Variants in VEPH1 observed in about 807,000 individuals in gnomAD.
The protein encoded by VEPH1 is ventricular zone expressed PH domain containing 1, also known as ventricular zone-expressed PH domain-containing protein homolog 1.
VEPH1 carries 80 observed loss-of-function variants against 85.2 expected under a neutral mutation model. That is an observed-to-expected ratio of 0.94 (90% CI 0.78 to 1.13). The LOEUF (loss-of-function observed/expected upper bound fraction) is 1.13. Ranked by LOEUF, VEPH1 falls within the 50% of genes most tolerant of loss-of-function variation. The pLI is 0.00. For missense variants in VEPH1, 955 were observed against 980.5 expected, an observed-to-expected ratio of 0.97 and a Z score of 0.35; for synonymous variants, 297 against 348.0, an observed-to-expected ratio of 0.85 and a Z score of 1.63.
intron 4 of VEPH1, among the ~76,000 whole-genome samples, chr3:157,447,966 CGATGAT>C (rs549807691): frequency 6.6e-6 from 1 of 151,342 alleles, no homozygotes; most frequent in East Asian, 1.9e-4. Context: ...ACAACCAGAA[CGATGAT>C]GATGATGATG....
chr3:157,317,053 T>C lies in VEPH1; in HGVS notation c.1875+9A>G. 6.2e-7 allele frequency: 1 copy of C among 1,605,506 alleles called. No individual in the cohort carries two copies. The highest frequency in any genetic ancestry group is 8.5e-7 in the Non-Finnish European group (1 of 1,176,308). Reference sequence around the variant, plus strand: ...ATTAAAGAGCCTGATGAACACAAATTATACAAACCTGCTGAAATAGAAACA... The same window carrying C: ...ATTAAAGAGCCTGATGAACACAAATCATACAAACCTGCTGAAATAGAAACA... On this transcript the variant is annotated intron_variant, in intron 10 of 13. Coordinates refer to ENST00000362010, the MANE Select transcript of VEPH1 (RefSeq NM_001167912.2).
At chr3:157,301,743 G>C (rs968962093) in intron 11 of VEPH1, among the ~76,000 whole-genome samples, 12 of 152,128 alleles carry the variant, frequency 7.9e-5, no homozygotes, top group African/African-American at 2.9e-4. Flanking sequence ...TACACTTTCT[G>C]AGGTTCTTTT....
intron 11 of VEPH1, among the ~76,000 whole-genome samples, chr3:157,305,101 CTTTTTTTT>C (rs139799192): frequency 2.6e-5 from 2 of 77,820 alleles, no homozygotes; most frequent in Non-Finnish European, 4.4e-5. Context: ...ATCTATCTGT[CTTTTTTTT>C]TTTTTTTTTT....
intron 4 of VEPH1, among the ~76,000 whole-genome samples, chr3:157,445,862 C>T (rs1471597167): frequency 6.6e-6 from 1 of 152,126 alleles, no homozygotes; most frequent in East Asian, 1.9e-4. Context: ...ACACCCATAA[C>T]CTAAACTTGG....
intron 12 of VEPH1, among the ~76,000 whole-genome samples, chr3:157,267,092 T>TTTTG (rs1713756997): frequency 9.0e-6 from 1 of 111,178 alleles, no homozygotes; most frequent in Non-Finnish European, 1.8e-5. Context: ...CTTTTCTTTT[T>TTTTG]CTTTTTTTTC....
intron 11 of VEPH1, among the ~76,000 whole-genome samples, chr3:157,309,017 A>G (rs538900630): frequency 6.6e-6 from 1 of 152,226 alleles, no homozygotes; most frequent in African/African-American, 2.4e-5. Context: ...AACTAAAAGT[A>G]ATGTTGAATT....
intron 7 of VEPH1, among the ~76,000 whole-genome samples, chr3:157,366,281 T>C (rs1726685011): frequency 6.6e-6 from 1 of 152,174 alleles, no homozygotes. Flanking sequence ...TGGCTGTCTT[T>C]AGTATTTTTC....
chr3:157,406,970 TA>T (rs1486807887), intron 6 of VEPH1, among the ~76,000 whole-genome samples: 44 of 146,882 alleles, frequency 3.0e-4, no homozygotes, highest in African/African-American at 9.8e-4. Flanking sequence ...GATGGAAAGA[TA>T]CATGAATTCA....
At chr3:157,272,401 T>TTCTTTCTC (rs1714792315) in intron 12 of VEPH1, among the ~76,000 whole-genome samples, 1 of 145,510 alleles carries the variant, frequency 6.9e-6, no homozygotes, top group Admixed American at 6.9e-5. Context: ...CTTTCTTTCT[T>TTCTTTCTC]TCTTTCTTTC....
chr3:157,426,838 C>T (rs149037368), intron 5 of VEPH1, among the ~76,000 whole-genome samples: 1,523 of 145,072 alleles, frequency 0.01, 24 homozygotes, highest in African/African-American at 0.037. Flanking sequence ...GACAGAGTCT[C>T]ACTCTGTCAC....
At chr3:157,311,690 C>T (rs552191314) in intron 11 of VEPH1, among the ~76,000 whole-genome samples, 2 of 152,164 alleles carry the variant, frequency 1.3e-5, no homozygotes, top group South Asian at 4.1e-4. Context: ...ATGCACAAAA[C>T]TAGTTTGCCA....
At chr3:157,402,263 T>C (rs938353890) in intron 6 of VEPH1, among the ~76,000 whole-genome samples, 4 of 152,198 alleles carry the variant, frequency 2.6e-5, no homozygotes, top group Non-Finnish European at 5.9e-5. Context: ...CTAGCTTTAT[T>C]TTGTATTTAC....
chr3:157,410,725 C>A (rs1349195435), intron 6 of VEPH1, among the ~76,000 whole-genome samples: 3 of 152,092 alleles, frequency 2.0e-5, no homozygotes, highest in African/African-American at 7.2e-5. Flanking sequence ...AGCAAAGGAG[C>A]CTGCCTGACA....
intron 1 of VEPH1, among the ~76,000 whole-genome samples, chr3:157,502,161 T>C (rs1740166507): frequency 2.6e-5 from 4 of 152,318 alleles, no homozygotes. Context: ...TTCTAAGCAA[T>C]GCTAAAGGCT....
At chr3:157,372,435 T>A (rs1727612265) in intron 7 of VEPH1, among the ~76,000 whole-genome samples, 1 of 152,214 alleles carries the variant, frequency 6.6e-6, no homozygotes, top group Non-Finnish European at 1.5e-5. Context: ...GGCTGCCAAC[T>A]AATGAAAAGC....
intron 9 of VEPH1, among the ~76,000 whole-genome samples, chr3:157,352,553 C>CT (rs1259677694): frequency 6.6e-6 from 1 of 152,140 alleles, no homozygotes; most frequent in Non-Finnish European, 1.5e-5. Flanking sequence ...AACAATCTGG[C>CT]TTATTTTCTC....
intron 4 of VEPH1, among the ~76,000 whole-genome samples, chr3:157,447,732 C>G (rs1173375706): frequency 6.6e-6 from 1 of 151,718 alleles, no homozygotes; most frequent in Admixed American, 6.6e-5. Context: ...GTAGCTGGGA[C>G]TACAGGTGTG....
In VEPH1 at chr3:157,345,743, C is replaced by T. The variant is rs145632016; in HGVS notation, c.1735+17621G>A. ...GACACATGCACACGTATGTTCATTG[C>T]GGCACTATTCACAATAGCAAAGACT... On this transcript the variant is annotated intron_variant, in intron 9 of 13. Transcript: ENST00000362010. Among the ~76,000 whole-genome samples, 966 of 152,218 alleles carry T rather than the reference C, an allele frequency of 6.3e-3. 16 individuals carry two copies. The highest frequency in any genetic ancestry group is 0.021 in the African/African-American group (890 of 41,536).
At chr3:157,388,347 G>A (rs1173879513) in intron 6 of VEPH1, among the ~76,000 whole-genome samples, 1 of 152,100 alleles carries the variant, frequency 6.6e-6, no homozygotes, top group Non-Finnish European at 1.5e-5. Context: ...AGAGTTGAAG[G>A]GTTTGTACTA....
Sources: allele counts gnomAD v4.1 joint callset (sites outside exome capture counted in the v4.1 genomes callset), GRCh38; gene constraint gnomAD v4.1.1; transcripts MANE v1.5; gene names NCBI Gene and HGNC (gene_info 2026-07-23, HGNC 2026-07-21).